TEX15: variants seen among roughly 807,000 people sequenced by gnomAD.
TEX15 encodes the protein testis-expressed protein 15.
TEX15 carries 171 observed loss-of-function variants against 237.3 expected under a neutral mutation model. The ratio of observed to expected loss-of-function variants is 0.72; its 90% confidence interval spans 0.64 to 0.82. The LOEUF (loss-of-function observed/expected upper bound fraction) is 0.82, where lower values mean the gene tolerates loss of function less well. Among genes scored for constraint, TEX15 ranks in the 40% least tolerant of loss-of-function variants. The pLI is 0.00. For missense variants in TEX15, 3,750 were observed against 3,646.5 expected, an observed-to-expected ratio of 1.03 and a Z score of -0.73; for synonymous variants, 1,338 against 1,269.8, an observed-to-expected ratio of 1.05 and a Z score of -1.14.
chr8:30,856,406 A>G (rs1409013602), intron 7 of TEX15, among the ~76,000 whole-genome samples: 1 of 151,942 alleles, frequency 6.6e-6, no homozygotes, highest in Non-Finnish European at 1.5e-5. Context: ...AAAATACAAA[A>G]TTAGCCAGGT....
In TEX15 at chr8:30,845,529, T is replaced by C. The variant is rs958103651; in HGVS notation, c.4638A>G (p.Glu1546=). Residue 1546 remains glutamate, a synonymous_variant, in exon 8 of 11, where the codon GAA becomes GAG. Coordinates refer to ENST00000643185, the MANE Select transcript of TEX15 (RefSeq NM_001350162.2). ...SSVSNPSLSE[E]HQPFSGKTAY... ...CAGTTTTTCCAGAAAAGGGCTGATG[T>C]TCTTCTGATAAACTTGGATTGCTTA... 2 of 1,613,516 alleles carry C rather than the reference T, an allele frequency of 1.2e-6. No individual in the cohort carries two copies. The highest frequency in any genetic ancestry group is 3.3e-5 in the Admixed American group (2 of 59,966).
intron 1 of TEX15, among the ~76,000 whole-genome samples, chr8:30,912,300 G>A (rs555455998): frequency 4.4e-4 from 66 of 150,382 alleles, no homozygotes; most frequent in Non-Finnish European, 8.0e-4. Context: ...GAGTCCCACA[G>A]GAGTCCCGAG....
intron 6 of TEX15, among the ~76,000 whole-genome samples, chr8:30,859,613 C>T (rs1807996652): frequency 6.6e-6 from 1 of 152,048 alleles, no homozygotes; most frequent in African/African-American, 2.4e-5. Flanking sequence ...TAAGTATGGT[C>T]ACCCTGCTGT....
At chr8:30,883,830 T>C (rs1488807977) in intron 3 of TEX15, among the ~76,000 whole-genome samples, 1 of 152,248 alleles carries the variant, frequency 6.6e-6, no homozygotes, top group Non-Finnish European at 1.5e-5. Context: ...TGTGTCTTTA[T>C]GGCAGAATGA....
rs371326452 is a variant in TEX15, at chr8:30,837,920, T to C, written c.8364A>G (p.Lys2788=). Residue 2788 remains lysine, a synonymous_variant, in exon 10 of 11, where the codon AAA becomes AAG. Transcript: ENST00000643185. ...TTTCCGACTTTGATGCGCAAGTGTC[T>C]TTTGGGTTCTCTAAGGGTAAAAGTG... is the stretch of plus-strand genomic sequence containing the variant. The part of the protein sequence containing the change: ...PGSLLPLENP[K]DTCASKSESK... The C allele has an allele frequency of 6.2e-7, 1 of 1,614,198 alleles. No individual in the cohort carries two copies. The highest frequency in any genetic ancestry group is 8.5e-7 in the Non-Finnish European group (1 of 1,180,020).
chr8:30,891,196 G>C (rs1434163801), intron 2 of TEX15, among the ~76,000 whole-genome samples: 1 of 152,060 alleles, frequency 6.6e-6, no homozygotes, highest in Non-Finnish European at 1.5e-5. Context: ...TGCACTGTGT[G>C]GGGTGAGTGA....
intron 7 of TEX15, among the ~76,000 whole-genome samples, chr8:30,855,277 A>G (rs1807885491): frequency 6.6e-6 from 1 of 152,200 alleles, no homozygotes; most frequent in Non-Finnish European, 1.5e-5. Context: ...AAAATCAATT[A>G]TATTTCTATA....
intron 8 of TEX15, among the ~76,000 whole-genome samples, chr8:30,840,295 A>C (rs1337632661): frequency 2.3e-4 from 35 of 151,838 alleles, no homozygotes; most frequent in Admixed American, 2.3e-3. Context: ...TACTGGGTGC[A>C]AGCGATTCTC....
At chr8:30,889,934 C>CATATATATATATATACAT (rs1808750357) in intron 2 of TEX15, among the ~76,000 whole-genome samples, 2 of 123,326 alleles carry the variant, frequency 1.6e-5, no homozygotes, top group Non-Finnish European at 3.2e-5. Flanking sequence ...TAGTTATATA[C>CATATATATATATATACAT]ATATATATAT....
At chr8:30,867,527 C>T in intron 4 of TEX15, 25 bp from the exon 5 acceptor site, 1 of 1,379,098 alleles carries the variant, frequency 7.3e-7, no homozygotes, top group Non-Finnish European at 9.9e-7. Flanking sequence ...ACAATGTATA[C>T]AGTTAAAGAT....
In TEX15 at chr8:30,847,531, A is replaced by C. The variant is rs1168929584; in HGVS notation, c.2636T>G (p.Ile879Arg). Residue 879 changes from isoleucine (I) to arginine (R), a missense_variant, in exon 8 of 11, where the codon ATA becomes AGA. Transcript: ENST00000643185. ...CTTTTTGTCTCCATATATGTTCTCTATGTTGTTTTCTACACATGAAGCACT... is the reference window on the plus strand; with the variant it reads ...CTTTTTGTCTCCATATATGTTCTCTCTGTTGTTTTCTACACATGAAGCACT... Reference protein sequence around the residue: ...ENSASCVENNIENIYGDKKQD... With the variant: ...ENSASCVENNRENIYGDKKQD... 1.2e-5 allele frequency: 19 copies of C among 1,612,946 alleles called. No individual in the cohort carries two copies. Among genetic ancestry groups the C allele is most frequent in the Non-Finnish European group, 1.4e-5 (17 of 1,179,808 alleles).
At chr8:30,863,045 C>G (rs996533280) in intron 5 of TEX15, among the ~76,000 whole-genome samples, 1 of 152,180 alleles carries the variant, frequency 6.6e-6, no homozygotes, top group African/African-American at 2.4e-5. Flanking sequence ...CTGGAACCTA[C>G]TGAAGGCTTG....
rs1807697297 is a variant in TEX15, at chr8:30,848,840, T to C, written c.1327A>G (p.Met443Val). Reference sequence around the variant, plus strand: ...CCTGCAGTACTACTCTGTTCTCCCATACTTTCTTCTCTCCTCATCAGTCTT... The same window carrying C: ...CCTGCAGTACTACTCTGTTCTCCCACACTTTCTTCTCTCCTCATCAGTCTT... ...DPRLMRREES[M>V]GEQSSTAGLN... The change falls in exon 8 of 11, where the codon ATG (methionine) becomes GTG (valine). Residue 443 changes from methionine (M) to valine (V), a missense_variant. Coordinates refer to ENST00000643185, the MANE Select transcript of TEX15 (RefSeq NM_001350162.2). 1.9e-6 allele frequency: 3 copies of C among 1,613,972 alleles called. No individual in the cohort carries two copies. Among genetic ancestry groups the C allele is most frequent in the Non-Finnish European group, 1.7e-6 (2 of 1,179,974 alleles).
At chr8:30,896,887 AT>A (rs1808916306) in intron 2 of TEX15, among the ~76,000 whole-genome samples, 1 of 152,262 alleles carries the variant, frequency 6.6e-6, no homozygotes, top group Non-Finnish European at 1.5e-5. Flanking sequence ...ACTGAAAGCA[AT>A]TTTTTCCCCC....
chr8:30,889,755 AACTTC>A (rs1808742632), intron 2 of TEX15, among the ~76,000 whole-genome samples: 1 of 151,846 alleles, frequency 6.6e-6, no homozygotes, highest in Non-Finnish European at 1.5e-5. Context: ...TTAAAGTGAT[AACTTC>A]ATATTTTTTT....
intron 1 of TEX15, among the ~76,000 whole-genome samples, chr8:30,904,244 T>C (rs12543319): frequency 0.46 from 70,264 of 152,028 alleles, 21,262 homozygotes; most frequent in African/African-American, 0.87. Flanking sequence ...GTCAGGAGTT[T>C]GAGACCAGCC....
At chr8:30,873,080 A>T (rs939610894) in intron 4 of TEX15, among the ~76,000 whole-genome samples, 3 of 152,148 alleles carry the variant, frequency 2.0e-5, no homozygotes, top group Admixed American at 2.0e-4. Context: ...GAAATTGCCC[A>T]ATGATGCATT....
chr8:30,845,284 TTTATG>T lies in TEX15; in HGVS notation c.4878_4882del (p.Asn1626LysfsTer3), dbSNP rs1164168848. On this transcript the variant is annotated frameshift_variant, in exon 8 of 11. Transcript: ENST00000643185. LOFTEE classifies it high-confidence loss of function. ...ATCACAATCGTTGCCTGTACTAGAA[TTTATG>T]TTTTCTTTTATGCAACTTAAAGATA... The T allele has an allele frequency of 6.2e-7, 1 of 1,613,238 alleles. No homozygotes were observed. Among genetic ancestry groups the T allele is most frequent in the Non-Finnish European group, 8.5e-7 (1 of 1,179,482 alleles).
intron 3 of TEX15, among the ~76,000 whole-genome samples, chr8:30,879,609 G>C (rs1009876294): frequency 3.9e-5 from 6 of 152,190 alleles, no homozygotes; most frequent in African/African-American, 1.4e-4. Context: ...TCTGTTTTCG[G>C]AATCTTTATT....
Sources: gnomAD v4.1 joint callset for allele counts (sites outside exome capture counted in the v4.1 genomes callset) on GRCh38, gnomAD v4.1.1 for gene constraint, MANE v1.5 for transcripts, NCBI Gene and HGNC (gene_info 2026-07-23, HGNC 2026-07-21) for gene names.